Variants in MYSM1 observed in about 807,000 individuals in gnomAD.
MYSM1 encodes the protein Myb like, SWIRM and MPN domains 1.
Under a neutral mutation model 116.0 loss-of-function variants are expected in MYSM1, and 51 were observed. That is an observed-to-expected ratio of 0.44 (90% CI 0.35 to 0.56). The LOEUF is 0.56. Among genes scored for constraint, MYSM1 ranks in the 20% least tolerant of loss-of-function variants. MYSM1 has a pLI of 0.00. For missense variants in MYSM1, 900 were observed against 974.9 expected, an observed-to-expected ratio of 0.92 and a Z score of 1.02; for synonymous variants, 313 against 315.2, an observed-to-expected ratio of 0.99 and a Z score of 0.07.
At chr1:58,672,097 C>A in intron 11 of MYSM1, 139 bp from the exon 12 acceptor site, 1 of 649,814 alleles carries the variant, frequency 1.5e-6, no homozygotes, top group Non-Finnish European at 2.6e-6. Context: ...TTTTTGCTAC[C>A]AACATGTAGA....
chr1:58,698,692 T>C (rs1013258716), intron 1 of MYSM1, among the ~76,000 whole-genome samples: 18 of 152,228 alleles, frequency 1.2e-4, no homozygotes, highest in African/African-American at 4.3e-4. Flanking sequence ...ACCTATTTCA[T>C]TAACTTGTTG....
In MYSM1 at chr1:58,682,552, A is replaced by G; in HGVS notation, c.499-7T>C. 1 of 1,557,636 alleles carries G rather than the reference A, an allele frequency of 6.4e-7. No individual in the cohort carries two copies. Among genetic ancestry groups the G allele is most frequent in the East Asian group, 2.3e-5 (1 of 44,390 alleles). The stretch of plus-strand genomic sequence containing the variant: ...TATCCAGACCGCATTTGACCTTATT[A>G]AAAATCAAAATAAAATCCCCATAAT... On this transcript the variant is annotated splice_region_variant and splice_polypyrimidine_tract_variant and intron_variant, in intron 7 of 19. Coordinates refer to ENST00000472487, the MANE Select transcript of MYSM1 (RefSeq NM_001085487.3).
chr1:58,667,865 TTC>T lies in MYSM1; in HGVS notation c.1822_1823del (p.Glu608SerfsTer2). On this transcript the variant is annotated frameshift_variant, in exon 15 of 20. Coordinates refer to ENST00000472487, the MANE Select transcript of MYSM1 (RefSeq NM_001085487.3). LOFTEE classifies it high-confidence loss of function. The stretch of plus-strand genomic sequence containing the variant: ...AACTTACTTCAACTACTTTATCAAC[TTC>T]TGAGTATCTTCCTCCTAACAGACCA... Reference protein sequence around the residue: ...VIGLLGGRYSEVDKVVEVCAA... With the variant: ...VIGLLGGRYSXVDKVVEVCAA... 1 of 1,609,866 alleles carries T rather than the reference TTC, an allele frequency of 6.2e-7. No homozygotes were observed. Among genetic ancestry groups the T allele is most frequent in the Non-Finnish European group, 8.5e-7 (1 of 1,176,158 alleles).
intron 8 of MYSM1, among the ~76,000 whole-genome samples, chr1:58,677,466 C>T (rs1278517927): frequency 3.9e-5 from 6 of 152,164 alleles, no homozygotes; most frequent in Admixed American, 3.9e-4. Flanking sequence ...TCTTATTTTG[C>T]TTAACAGTGT....
intron 1 of MYSM1, among the ~76,000 whole-genome samples, chr1:58,698,102 A>ATATATATATATATATATATTTT: frequency 1.3e-4 from 1 of 7,768 alleles, no homozygotes; most frequent in South Asian, 0.01. Flanking sequence ...ATATATATAT[A>ATATATATATATATATATATTTT]TTTTTTTTTT....
Position 58,657,050 on chromosome 1 carries a change from C to A in MYSM1, c.*2947G>T, listed in dbSNP as rs1331759301. On this transcript the variant is annotated 3_prime_UTR_variant, in exon 20 of 20. Transcript: ENST00000472487. Reference sequence around the variant, plus strand: ...ACAAACTGTAACTGAAGCAATGTAACTTGAACTGGAAACTGAAGATAATTT... The same window carrying A: ...ACAAACTGTAACTGAAGCAATGTAAATTGAACTGGAAACTGAAGATAATTT... The A allele has an allele frequency of 6.6e-6, 1 of 151,978 alleles. No homozygotes were observed. The highest frequency in any genetic ancestry group is 1.5e-5 in the Non-Finnish European group (1 of 68,014). The allele number at this position is 151,978 out of a possible 1,614,324, so 9.4% of individuals were successfully genotyped here. A position where few individuals can be genotyped will look rare whatever the true frequency, so the allele number is the denominator to read the frequency against.
rs1007193405 is a variant in MYSM1 at position 58,685,359 on chromosome 1, T to C, written c.400-108A>G. On this transcript the variant is annotated intron_variant, in intron 6 of 19. Coordinates refer to ENST00000472487, the MANE Select transcript of MYSM1 (RefSeq NM_001085487.3). ...AAAAACTTAAAAAAAAATACATCTT[T>C]ATTTTCTGAAGCACACAATAAAGTC... 12 of 671,778 alleles carry C rather than the reference T, an allele frequency of 1.8e-5. No individual in the cohort carries two copies. The South Asian group carries it at 2.6e-4, about 14-fold the overall frequency. 41.6% of individuals were successfully genotyped at this position (671,778 alleles called of 1,614,324 possible).
Position 58,665,504 on chromosome 1 carries a change from G to A in MYSM1, c.2159C>T (p.Ser720Phe), listed in dbSNP as rs778597011. 2 of 1,591,414 alleles carry A rather than the reference G, an allele frequency of 1.3e-6. No individual in the cohort carries two copies. Among genetic ancestry groups the A allele is most frequent in the South Asian group, 1.2e-5 (1 of 86,614 alleles). Residue 720 changes from serine to phenylalanine, a missense_variant, in exon 17 of 20, where the codon TCT becomes TTT. By Grantham distance (155) the Ser-to-Phe change is radical (BLOSUM62 -2). This residue lies in a region of MYSM1 where 186 missense variants were observed against 196.2 expected (regional missense o/e 0.95). Transcript: ENST00000472487. ...VISEEISPDGSYRLPYKFEVQ... is the reference protein window; with the variant it reads ...VISEEISPDGFYRLPYKFEVQ... ...TATTTTTGTTGAAAACTTACGATAA[G>A]AGCCATCTGGGCTAATTTCCTCACT...
intron 10 of MYSM1, 65 bp downstream of exon 10, chr1:58,675,412 C>G (rs11800748): frequency 1.7e-6 from 2 of 1,200,378 alleles, no homozygotes; most frequent in Non-Finnish European, 2.4e-6. Flanking sequence ...AAGGTAAGTA[C>G]GTAAACCACA....
intron 11 of MYSM1, among the ~76,000 whole-genome samples, chr1:58,672,197 A>C (rs1482139430): frequency 6.6e-6 from 1 of 152,174 alleles, no homozygotes; most frequent in African/African-American, 2.4e-5. Context: ...TGCCCATTTC[A>C]ATCAATGGTA....
intron 1 of MYSM1, among the ~76,000 whole-genome samples, chr1:58,695,882 C>T (rs1569811593): frequency 6.6e-6 from 1 of 152,130 alleles, no homozygotes; most frequent in Non-Finnish European, 1.5e-5. Flanking sequence ...TTGTTTACCC[C>T]ATATTTGAAA....
chr1:58,670,800 A>G (rs1569729283), intron 12 of MYSM1, among the ~76,000 whole-genome samples: 1 of 152,174 alleles, frequency 6.6e-6, no homozygotes, highest in South Asian at 2.1e-4. Flanking sequence ...CAGGAAAGGC[A>G]AGCTTATTGA....
intron 7 of MYSM1, among the ~76,000 whole-genome samples, chr1:58,682,947 G>A (rs1031392745): frequency 1.6e-4 from 24 of 152,042 alleles, no homozygotes; most frequent in African/African-American, 4.6e-4. Context: ...CACCTGCCTC[G>A]GCCTCCCAAA....
chr1:58,657,425 C>A lies in MYSM1; in HGVS notation c.*2572G>T, dbSNP rs978389645. 4 of 152,162 alleles carry A rather than the reference C, an allele frequency of 2.6e-5. No individual in the cohort carries two copies. Among genetic ancestry groups the A allele is most frequent in the Non-Finnish European group, 4.4e-5 (3 of 68,028 alleles). The allele number at this position is 152,162 out of a possible 1,614,324, so 9.4% of individuals were successfully genotyped here. On this transcript the variant is annotated 3_prime_UTR_variant, in exon 20 of 20. Transcript: ENST00000472487. ...TCCTGTATCATAGGCCCCCTCAGTT[C>A]TAGACTTCCTCTGTGCTTCTACAAG...
rs536481394 is a variant in MYSM1 at position 58,660,115 on chromosome 1, T to C, written c.2369A>G (p.Asn790Ser). 1.8e-5 allele frequency: 29 copies of C among 1,608,556 alleles called. No individual in the cohort carries two copies. The highest frequency in any genetic ancestry group is 5.5e-5 in the South Asian group (5 of 90,100). Residue 790 changes from asparagine (N) to serine (S), a missense_variant, in exon 20 of 20, where the codon AAT (asparagine) becomes AGT (serine). By Grantham distance (46) the Asn-to-Ser change is conservative (BLOSUM62 1). This residue lies in a region of MYSM1 where 186 missense variants were observed against 196.2 expected (regional missense o/e 0.95). Transcript: ENST00000472487. ...CAAGAATTCTTCAGCCATAAAGCAATTGGTCACTTTGCTCAGAGTCTTCCT... is the reference window on the plus strand; with the variant it reads ...CAAGAATTCTTCAGCCATAAAGCAACTGGTCACTTTGCTCAGAGTCTTCCT... ...CMRKTLSKVTNCFMAEEFLTE... is the reference protein window; with the variant it reads ...CMRKTLSKVTSCFMAEEFLTE...
At chr1:58,680,377 A>G (rs1043029046) in intron 8 of MYSM1, among the ~76,000 whole-genome samples, 4 of 152,214 alleles carry the variant, frequency 2.6e-5, no homozygotes, top group African/African-American at 4.8e-5. Flanking sequence ...GATTGTTTTA[A>G]AAAATCAAGT....
chr1:58,667,010 T>C (rs746943704), intron 16 of MYSM1, 28 bp downstream of exon 16: 1 of 1,461,128 alleles, frequency 6.8e-7, no homozygotes, highest in East Asian at 2.3e-5. Flanking sequence ...GTGCAACCAT[T>C]TACAGAATAT....
intron 15 of MYSM1, 60 bp from the exon 16 acceptor site, chr1:58,667,286 T>C: frequency 3.2e-6 from 4 of 1,255,060 alleles, no homozygotes; most frequent in Non-Finnish European, 2.1e-6. Context: ...ATTACTCTAA[T>C]GTTATAATTC....
chr1:58,669,511 T>G (rs1644523872), intron 12 of MYSM1, among the ~76,000 whole-genome samples: 1 of 152,172 alleles, frequency 6.6e-6, no homozygotes, highest in Non-Finnish European at 1.5e-5. Flanking sequence ...TATTAATGTA[T>G]TACTCCTATC....
Sources: gnomAD v4.1 joint callset for allele counts (sites outside exome capture counted in the v4.1 genomes callset) on GRCh38, gnomAD v4.1.1 for gene constraint, gnomAD v4.1.1 regional missense constraint, MANE v1.5 for transcripts, NCBI Gene and HGNC (gene_info 2026-07-23, HGNC 2026-07-21) for gene names.